OSBPL10: variants seen among roughly 807,000 people sequenced by gnomAD.
The protein encoded by OSBPL10 is oxysterol-binding protein-related protein 10.
A neutral mutation model predicts 81.7 loss-of-function variants in OSBPL10; 49 were observed. The ratio of observed to expected loss-of-function variants is 0.60; its 90% CI spans 0.48 to 0.76. The LOEUF is 0.76. Among genes scored for constraint, OSBPL10 ranks in the 30% least tolerant of loss-of-function variants. The pLI is 0.00. For synonymous variants in OSBPL10, 419 were observed against 383.6 expected, an observed-to-expected ratio of 1.09 and a Z score of -1.08; for missense variants, 923 against 987.8, an observed-to-expected ratio of 0.93 and a Z score of 0.88.
intron 1 of OSBPL10, among the ~76,000 whole-genome samples, chr3:31,955,492 C>T (rs1166395715): frequency 6.6e-6 from 1 of 152,214 alleles, no homozygotes; most frequent in Non-Finnish European, 1.5e-5. Flanking sequence ...CACAGCTACC[C>T]AGCAATGCCA....
At chr3:31,886,509 G>A (rs1695740345) in intron 1 of OSBPL10, among the ~76,000 whole-genome samples, 1 of 152,222 alleles carries the variant, frequency 6.6e-6, no homozygotes, top group African/African-American at 2.4e-5. Context: ...GCTGAGATCT[G>A]CCTCGCCTTC....
chr3:32,069,273 T>C (rs866292554), intron 1 of OSBPL10, among the ~76,000 whole-genome samples: 63 of 152,006 alleles, frequency 4.1e-4, no homozygotes, highest in Middle Eastern at 3.4e-3. Flanking sequence ...GGGAAAGAGT[T>C]TTTTTCTGTA....
chr3:31,684,217 C>T (rs1700734320), intron 7 of OSBPL10, 103 bp from the exon 8 acceptor site: 1 of 1,455,732 alleles, frequency 6.9e-7, no homozygotes, highest in Non-Finnish European at 9.2e-7. Context: ...TTCATAACAT[C>T]TCCAGCCAGG....
chr3:31,749,596 C>T (rs1697650301), intron 4 of OSBPL10, among the ~76,000 whole-genome samples: 1 of 152,048 alleles, frequency 6.6e-6, no homozygotes, highest in South Asian at 2.1e-4. Flanking sequence ...GGGTGAAACA[C>T]CTGAGGTCAG....
At chr3:31,759,202 G>C (rs1204391659) in intron 4 of OSBPL10, among the ~76,000 whole-genome samples, 2 of 152,194 alleles carry the variant, frequency 1.3e-5, no homozygotes, top group East Asian at 1.9e-4. Context: ...CTGTCCAACA[G>C]AAGGATTCCG....
At chr3:32,016,908 T>A (rs1330484888) in intron 2 of OSBPL10, among the ~76,000 whole-genome samples, 1 of 152,212 alleles carries the variant, frequency 6.6e-6, no homozygotes, top group East Asian at 1.9e-4. Flanking sequence ...TGTAAAGACC[T>A]GGCACCCACA....
At chr3:32,055,336 T>C (rs922849692) in intron 1 of OSBPL10, among the ~76,000 whole-genome samples, 3 of 151,154 alleles carry the variant, frequency 2.0e-5, no homozygotes, top group East Asian at 3.9e-4. Flanking sequence ...CATGAGTATC[T>C]GGGATTACAG....
rs59059225 is a variant in OSBPL10, at chr3:31,883,542, G to GTTTT, written c.282-3716_282-3713dup. Among the ~76,000 whole-genome samples, 8 of 138,904 alleles carry GTTTT rather than the reference G, an allele frequency of 5.8e-5. 1 individual carries two copies. Among genetic ancestry groups the GTTTT allele is most frequent in the Admixed American group, 7.2e-5 (1 of 13,930 alleles). 91.1% of individuals were successfully genotyped at this position (138,904 alleles called of 152,430 possible). ...GGCATGAGCCTGTTTTTTTTTTGTT[G>GTTTT]TTTTTTTTTTTTGAGATGAGTCTTG... On this transcript the variant is annotated intron_variant, in intron 1 of 11. Coordinates refer to ENST00000396556, the MANE Select transcript of OSBPL10 (RefSeq NM_017784.5).
rs549519807 is a variant in OSBPL10 at position 31,762,926 on chromosome 3, C to G, written c.730-14806G>C. 3.3e-5 allele frequency among the ~76,000 whole-genome samples: 5 copies of G among 152,140 alleles called. No homozygotes were observed. In the South Asian group the frequency reaches 6.2e-4, roughly 19 times the overall value. ...AGGAAGCATGCAGAACCATTCTGTT[C>G]CTACAGATCACAGCACAAAGGCTCA... On this transcript the variant is annotated intron_variant, in intron 4 of 11. Coordinates refer to ENST00000396556, the MANE Select transcript of OSBPL10 (RefSeq NM_017784.5).
chr3:31,699,676 A>T (rs1695835033), intron 7 of OSBPL10, among the ~76,000 whole-genome samples: 1 of 152,258 alleles, frequency 6.6e-6, no homozygotes, highest in Admixed American at 6.5e-5. Context: ...GGTGCTGAGC[A>T]ACCTCACAGG....
At chr3:31,900,315 C>A (rs1273768975) in intron 1 of OSBPL10, among the ~76,000 whole-genome samples, 1 of 152,108 alleles carries the variant, frequency 6.6e-6, no homozygotes, top group African/African-American at 2.4e-5. Context: ...AGTGCTGCCA[C>A]CGCACCCAGC....
chr3:31,928,498 C>T (rs531690533), intron 1 of OSBPL10, among the ~76,000 whole-genome samples: 37 of 149,852 alleles, frequency 2.5e-4, no homozygotes, highest in South Asian at 2.4e-3. Context: ...AATGGCCGGG[C>T]GCAGAGCGGC....
intron 4 of OSBPL10, among the ~76,000 whole-genome samples, chr3:31,784,580 T>C (rs1046960957): frequency 2.0e-5 from 3 of 151,926 alleles, no homozygotes; most frequent in African/African-American, 7.3e-5. Flanking sequence ...ATAGCAAAAA[T>C]GGGTTTGTTT....
intron 2 of OSBPL10, among the ~76,000 whole-genome samples, chr3:32,008,373 A>C (rs11715057): frequency 6.6e-6 from 1 of 151,622 alleles, no homozygotes; most frequent in African/African-American, 2.4e-5. Context: ...GGCTGGTCTC[A>C]AACTCCTGAC....
chr3:31,761,760 AG>A (rs888550030), intron 4 of OSBPL10, among the ~76,000 whole-genome samples: 16 of 148,414 alleles, frequency 1.1e-4, no homozygotes, highest in African/African-American at 3.9e-4. Context: ...GGTTGCAGTG[AG>A]CCAAGATTGT....
At chr3:31,921,382 G>A (rs932890107) in intron 1 of OSBPL10, among the ~76,000 whole-genome samples, 3 of 152,088 alleles carry the variant, frequency 2.0e-5, no homozygotes, top group Non-Finnish European at 4.4e-5. Context: ...TTCTAAGACT[G>A]GGGCAGGAAA....
chr3:31,827,795 C>T (rs1421357068), intron 4 of OSBPL10, among the ~76,000 whole-genome samples: 1 of 152,042 alleles, frequency 6.6e-6, no homozygotes, highest in East Asian at 1.9e-4. Context: ...TTTCTTTATA[C>T]ATTTTTTGCA....
At chr3:31,745,144 C>T (rs566117833) in intron 5 of OSBPL10, among the ~76,000 whole-genome samples, 130 of 152,294 alleles carry the variant, frequency 8.5e-4, no homozygotes, top group African/African-American at 3.0e-3. Context: ...CTTGCTCCAG[C>T]GTGAATACAC....
At chr3:31,699,293 C>T (rs1263787168) in intron 7 of OSBPL10, among the ~76,000 whole-genome samples, 1 of 152,204 alleles carries the variant, frequency 6.6e-6, no homozygotes, top group African/African-American at 2.4e-5. Flanking sequence ...GGCCCATAGG[C>T]TCTGCAGGAC....
Sources: allele counts gnomAD v4.1 joint callset (sites outside exome capture counted in the v4.1 genomes callset), GRCh38; gene constraint gnomAD v4.1.1; transcripts MANE v1.5; gene names NCBI Gene and HGNC (gene_info 2026-07-23, HGNC 2026-07-21).